Variants in PKHD1 observed in about 807,000 individuals in gnomAD.
PKHD1 encodes fibrocystin.
A neutral mutation model predicts 412.0 loss-of-function variants in PKHD1; 291 were observed. That is an observed-to-expected ratio of 0.71 (90% CI 0.64 to 0.78). The LOEUF is 0.78. Among genes scored for constraint, PKHD1 ranks in the 30% least tolerant of loss-of-function variants. The probability of loss-of-function intolerance (pLI) is 0.00; values close to 1 mark genes in which losing one functional copy is unlikely to be tolerated. For missense variants in PKHD1, 4,825 were observed against 4,950.7 expected (o/e 0.97, Z 0.76); for synonymous variants, 1,777 against 1,821.5 (o/e 0.98, Z 0.62).
At chr6:52,010,655 A>G (rs1291067702) in intron 34 of PKHD1, among the ~76,000 whole-genome samples, 196 bp from the exon 35 acceptor site, 1 of 152,160 alleles carries the variant, frequency 6.6e-6, no homozygotes, top group Non-Finnish European at 1.5e-5. Flanking sequence ...CACACCCTGC[A>G]ATGAAAATGC....
At chr6:51,815,412 C>T (rs74951702) in intron 52 of PKHD1, among the ~76,000 whole-genome samples, 5,777 of 151,424 alleles carry the variant, frequency 0.038, 144 homozygotes, top group South Asian at 0.07. Context: ...AGAGGTGCCA[C>T]CAAGTTGAGT....
In PKHD1 at chr6:52,069,502, G is replaced by T. The variant is rs111809699; in HGVS notation, c.733C>A (p.Leu245Met). The T allele has an allele frequency of 6.2e-7, 1 of 1,613,172 alleles. No individual in the cohort carries two copies. The highest frequency in any genetic ancestry group is 8.5e-7 in the Non-Finnish European group (1 of 1,179,308). ...GKSMVHKKAW[L>M]ISAKQDLFLY... is the part of the protein sequence containing the mutation. ...AAAAGATCCTGTTTAGCACTGATCA[G>T]CCATGCCTTCTTGTGGACCATTGAC... The change falls in exon 11 of 67, where the codon CTG (leucine) becomes ATG (methionine). Residue 245 changes from leucine (L) to methionine (M), a missense_variant. Physicochemically the swap from Leu to Met is conservative, Grantham distance 15. Transcript: ENST00000371117.
intron 60 of PKHD1, among the ~76,000 whole-genome samples, chr6:51,702,202 GTATAATA>G (rs1292419495): frequency 2.8e-5 from 4 of 145,126 alleles, no homozygotes; most frequent in Non-Finnish European, 4.5e-5. Flanking sequence ...TATATTATAC[GTATAATA>G]TATAATATAT....
intron 2 of PKHD1, among the ~76,000 whole-genome samples, chr6:52,083,483 A>C (rs894563716): frequency 6.6e-6 from 1 of 152,234 alleles, no homozygotes; most frequent in Non-Finnish European, 1.5e-5. Context: ...CATCATCAGA[A>C]GCCCCATTTT....
chr6:51,712,516 GAAACTAA>G (rs1343511864), intron 60 of PKHD1, among the ~76,000 whole-genome samples: 1 of 152,110 alleles, frequency 6.6e-6, no homozygotes, highest in African/African-American at 2.4e-5. Flanking sequence ...GTCAAAAGAA[GAAACTAA>G]TTTTAATATT....
rs779955398 is a variant in PKHD1, at chr6:51,870,690, A to T, written c.7351-51T>A. On this transcript the variant is annotated intron_variant, in intron 46 of 66. Transcript: ENST00000371117. ...AAAGCAAAATAAGAAAACTGGACAC[A>T]TGAAATACAATTCATAATGCATGAA... 5.0e-6 allele frequency: 7 copies of T among 1,396,134 alleles called. 1 individual carries two copies. In the South Asian group the frequency reaches 8.2e-5, roughly 16 times the overall value. 86.5% of individuals were successfully genotyped at this position (1,396,134 alleles called of 1,614,324 possible).
chr6:51,815,816 A>G (rs961016786), intron 52 of PKHD1, among the ~76,000 whole-genome samples: 7 of 152,246 alleles, frequency 4.6e-5, no homozygotes, highest in Non-Finnish European at 1.0e-4. Context: ...TTCCAACTAA[A>G]TAAGAAAAAA....
At chr6:51,932,513 C>G (rs1312739568) in intron 37 of PKHD1, among the ~76,000 whole-genome samples, 1 of 152,148 alleles carries the variant, frequency 6.6e-6, no homozygotes, top group Non-Finnish European at 1.5e-5. Flanking sequence ...ACTTATTCCC[C>G]AGATGCACTT....
intron 60 of PKHD1, among the ~76,000 whole-genome samples, chr6:51,738,097 A>G (rs1200397204): frequency 1.3e-5 from 2 of 152,208 alleles, no homozygotes; most frequent in African/African-American, 4.8e-5. Context: ...CTCACTGTAG[A>G]CAGGTAGCCG....
rs761680311 is a variant in PKHD1, at chr6:51,906,258, G to T, written c.6765C>A (p.Asp2255Glu). Reference protein sequence around the residue: ...SMCGTLGLKVDSNVFYNILGH... With the variant: ...SMCGTLGLKVESNVFYNILGH... Reference sequence around the variant, plus strand: ...CTAAAATATTGTAGAATACATTACTGTCCACCTTCAGGCCCAAGGTCCCGC... The same window carrying T: ...CTAAAATATTGTAGAATACATTACTTTCCACCTTCAGGCCCAAGGTCCCGC... The change falls in exon 41 of 67, where the codon GAC becomes GAA. Residue 2255 changes from aspartate to glutamate, a missense_variant. By Grantham distance (45) the Asp-to-Glu change is conservative (BLOSUM62 2). Transcript: ENST00000371117. 1 of 1,610,830 alleles carries T rather than the reference G, an allele frequency of 6.2e-7. No individual in the cohort carries two copies. Among genetic ancestry groups the T allele is most frequent in the Non-Finnish European group, 8.5e-7 (1 of 1,177,412 alleles).
chr6:51,673,725 G>A (rs1775386518), intron 60 of PKHD1, among the ~76,000 whole-genome samples: 1 of 152,118 alleles, frequency 6.6e-6, no homozygotes, highest in Non-Finnish European at 1.5e-5. Flanking sequence ...GTTTTATTAA[G>A]GGATATTATT....
intron 46 of PKHD1, among the ~76,000 whole-genome samples, chr6:51,881,646 G>T (rs913296325): frequency 4.6e-5 from 7 of 152,196 alleles, no homozygotes; most frequent in African/African-American, 1.7e-4. Flanking sequence ...CCAGGAGTGG[G>T]AGGATATCAG....
chr6:52,072,112 C>G lies in PKHD1; in HGVS notation c.602+3G>C. ...TGCATTGGCAAGATAATAAGACACT[C>G]ACCAGCTTCCCATCTGCCTATTTAT... On this transcript the variant is annotated splice_donor_region_variant and intron_variant, in intron 8 of 66. Transcript: ENST00000371117. 1 of 1,578,152 alleles carries G rather than the reference C, an allele frequency of 6.3e-7. No individual in the cohort carries two copies. The highest frequency in any genetic ancestry group is 1.1e-5 in the South Asian group (1 of 90,302).
At chr6:51,900,006 G>T (rs1031733410) in intron 43 of PKHD1, among the ~76,000 whole-genome samples, 4 of 151,946 alleles carry the variant, frequency 2.6e-5, no homozygotes, top group African/African-American at 7.3e-5. Context: ...CACTGCTCAA[G>T]GAAATCAAAG....
At chr6:51,764,313 A>C (rs1369562986) in intron 55 of PKHD1, among the ~76,000 whole-genome samples, 1 of 148,976 alleles carries the variant, frequency 6.7e-6, no homozygotes, top group Non-Finnish European at 1.5e-5. Flanking sequence ...ACATGAAAAA[A>C]TGCTCATCAT....
At chr6:51,682,200 A>T (rs371847188) in intron 60 of PKHD1, 5 of 455,620 alleles carry the variant, frequency 1.1e-5, no homozygotes, top group African/African-American at 1.0e-4. Flanking sequence ...TTCAGGGAAG[A>T]GGATAAAGAA....
At chr6:51,924,607 C>T (rs73738786) in intron 37 of PKHD1, among the ~76,000 whole-genome samples, 5,866 of 152,190 alleles carry the variant, frequency 0.039, 412 homozygotes, top group African/African-American at 0.13. Context: ...CACAATAATC[C>T]AGGCATAAGT....
At chr6:51,975,964 A>T (rs1741776) in intron 35 of PKHD1, 22 of 37,282 alleles carry the variant, frequency 5.9e-4, no homozygotes, top group Non-Finnish European at 1.1e-3. Flanking sequence ...TTCTCTAATT[A>T]AAAAAAAAAA....
chr6:52,042,133 T>A (rs537696716), intron 27 of PKHD1, among the ~76,000 whole-genome samples: 1 of 152,334 alleles, frequency 6.6e-6, no homozygotes, highest in East Asian at 1.9e-4. Context: ...GTGCAAGTTA[T>A]GCTTGCTTTG....
Sources: gnomAD v4.1 joint callset for allele counts (sites outside exome capture counted in the v4.1 genomes callset) on GRCh38, gnomAD v4.1.1 for gene constraint, MANE v1.5 for transcripts, NCBI Gene and HGNC (gene_info 2026-07-23, HGNC 2026-07-21) for gene names.